Variants in STX1B observed in about 807,000 individuals in gnomAD.
The protein encoded by STX1B is syntaxin 1B.
Under a neutral mutation model 39.4 loss-of-function variants are expected in STX1B, and 7 were observed. That is an observed-to-expected ratio of 0.18 (90% confidence interval 0.10 to 0.33). The LOEUF (loss-of-function observed/expected upper bound fraction) is 0.33. Among genes scored for constraint, STX1B ranks in the 10% least tolerant of loss-of-function variants. STX1B has a pLI of 1.00. For missense variants in STX1B, 198 were observed against 383.2 expected (o/e 0.52, Z 4.04); for synonymous variants, 136 against 144.1 (o/e 0.94, Z 0.40).
Position 31,010,581 on chromosome 16 carries a change from G to T in STX1B, c.-185C>A. 6.0e-6 allele frequency: 1 copy of T among 166,070 alleles called. No homozygotes were observed. The highest frequency in any genetic ancestry group is 1.7e-4 in the South Asian group (1 of 5,834). 10.3% of individuals were successfully genotyped at this position (166,070 alleles called of 1,614,324 possible). A position where few individuals can be genotyped will look rare whatever the true frequency, so the allele number is the denominator to read the frequency against. On this transcript the variant is annotated 5_prime_UTR_variant, in exon 1 of 10. Coordinates refer to ENST00000215095, the MANE Select transcript of STX1B (RefSeq NM_052874.5). ...AGGGCCGGGCAGGGGCAGGGGCCTG[G>T]GCCGGGCTCGGCTCTGCCGGGCTGC... is the stretch of plus-strand genomic sequence containing the variant.
Position 31,006,730 on chromosome 16 carries a change from AGGGCAGAGGGAACAGCATGCT to A in STX1B, c.30+3616_30+3636del, listed in dbSNP as rs1289636082. Among the ~76,000 whole-genome samples, 11 of 152,290 alleles carry A rather than the reference AGGGCAGAGGGAACAGCATGCT, an allele frequency of 7.2e-5. 1 individual carries two copies. In the South Asian group the frequency reaches 1.9e-3, roughly 26 times the overall value. ...CCACAGTGCTGGGGAAACAGAATTCAGGGCAGAGGGAACAGCATGCTGGGCAGAGGGAACAGCATGCGCGAA... is the reference window on the plus strand; with the variant it reads ...CCACAGTGCTGGGGAAACAGAATTCAGGGCAGAGGGAACAGCATGCGCGAA... On this transcript the variant is annotated intron_variant, in intron 1 of 9. Coordinates refer to ENST00000215095, the MANE Select transcript of STX1B (RefSeq NM_052874.5).
Position 30,996,536 on chromosome 16 carries a change from T to C in STX1B, c.537+147A>G, listed in dbSNP as rs748438890. ...TCATCTGATGGGGGTGCCTTCCTGCTCCGCTCCCATGGAATTCCCCAGTTC... is the reference window on the plus strand; with the variant it reads ...TCATCTGATGGGGGTGCCTTCCTGCCCCGCTCCCATGGAATTCCCCAGTTC... On this transcript the variant is annotated intron_variant, in intron 7 of 9. Transcript: ENST00000215095. 3.2e-4 allele frequency: 228 copies of C among 717,692 alleles called. 1 individual carries two copies. Among genetic ancestry groups the C allele is most frequent in the Non-Finnish European group, 4.7e-4 (197 of 420,066 alleles). 44.5% of individuals were successfully genotyped at this position (717,692 alleles called of 1,614,324 possible).
rs2056544188 is a variant in STX1B, at chr16:30,990,170, TCTC to T, written c.*2648_*2650del. The T allele has an allele frequency of 6.6e-6, 1 of 151,922 alleles. No individual in the cohort carries two copies. The highest frequency in any genetic ancestry group is 1.9e-4 in the East Asian group (1 of 5,174). 9.4% of individuals were successfully genotyped at this position (151,922 alleles called of 1,614,324 possible). A position where few individuals can be genotyped will look rare whatever the true frequency, so the allele number is the denominator to read the frequency against. On this transcript the variant is annotated 3_prime_UTR_variant, in exon 10 of 10. Transcript: ENST00000215095. ...GGTGCCCCAGCCACGCTTCAACCCTTCTCCTGTGGCCCCAAGGCCGTGGGACTT... is the reference window on the plus strand; with the variant it reads ...GGTGCCCCAGCCACGCTTCAACCCTTCTGTGGCCCCAAGGCCGTGGGACTT...
intron 9 of STX1B, 80 bp downstream of exon 9, chr16:30,993,050 C>T (rs774912453): frequency 1.4e-5 from 20 of 1,452,488 alleles, no homozygotes; most frequent in Non-Finnish European, 1.7e-5. Flanking sequence ...TAAGGCCTCC[C>T]GCCCGCTGCC....
chr16:31,003,991 A>T (rs2056644579), intron 1 of STX1B, among the ~76,000 whole-genome samples: 1 of 152,160 alleles, frequency 6.6e-6, no homozygotes, highest in African/African-American at 2.4e-5. Context: ...ATGGGCATCC[A>T]GCCCCTCAAA....
intron 5 of STX1B, 29 bp downstream of exon 5, chr16:30,997,473 C>T: frequency 6.3e-7 from 1 of 1,580,178 alleles, no homozygotes; most frequent in Non-Finnish European, 8.6e-7. Flanking sequence ...GGGTCCCGAC[C>T]CGACCCCCAA....
chr16:31,010,275 C>A, intron 1 of STX1B, 92 bp downstream of exon 1: 1 of 1,027,218 alleles, frequency 9.7e-7, no homozygotes, highest in Non-Finnish European at 1.3e-6. Flanking sequence ...TCATCCTTCG[C>A]CCCCACGTCC....
chr16:31,003,345 G>A (rs1036776550), intron 1 of STX1B, among the ~76,000 whole-genome samples: 1 of 152,200 alleles, frequency 6.6e-6, no homozygotes, highest in African/African-American at 2.4e-5. Flanking sequence ...GGTGGCATAA[G>A]TTGGGGACCC....
Position 31,001,271 on chromosome 16 carries a change from G to A in STX1B, c.106-78C>T, listed in dbSNP as rs746973501. 2 of 1,417,900 alleles carry A rather than the reference G, an allele frequency of 1.4e-6. No individual in the cohort carries two copies. The highest frequency in any genetic ancestry group is 2.0e-6 in the Non-Finnish European group (2 of 1,016,652). The allele number at this position is 1,417,900 out of a possible 1,614,324, so 87.8% of individuals were successfully genotyped here. ...TTCCAGGGGAACCAGCCAGGGTTCA[G>A]GGGAATGGACCAGCCCCAGAACGGC... On this transcript the variant is annotated intron_variant, in intron 2 of 9. Coordinates refer to ENST00000215095, the MANE Select transcript of STX1B (RefSeq NM_052874.5). The surrounding 1 kb of genome is among the most constrained non-coding windows in gnomAD (Gnocchi z 5.5).
rs995995925 is a variant in STX1B, at chr16:30,992,642, G to C, written c.*179C>G. 1.5e-4 allele frequency: 2 copies of C among 13,698 alleles called. No individual in the cohort carries two copies. The highest frequency in any genetic ancestry group is 0.062 in the East Asian group (1 of 16). 0.8% of individuals were successfully genotyped at this position (13,698 alleles called of 1,614,324 possible). The stretch of plus-strand genomic sequence containing the variant: ...CCTGCTGCGATCTACGTGCGGGGAC[G>C]GGGGGGGGGTCCATGGCCCGGTGAG... On this transcript the variant is annotated 3_prime_UTR_variant, in exon 10 of 10. Coordinates refer to ENST00000215095, the MANE Select transcript of STX1B (RefSeq NM_052874.5).
chr16:31,009,170 G>T (rs980573449), intron 1 of STX1B, among the ~76,000 whole-genome samples: 1 of 152,034 alleles, frequency 6.6e-6, no homozygotes, highest in Non-Finnish European at 1.5e-5. Context: ...AAATCCAGGG[G>T]ACAGCTCTTC....
intron 1 of STX1B, among the ~76,000 whole-genome samples, chr16:31,003,454 G>A (rs560812308): frequency 1.9e-4 from 29 of 152,158 alleles, no homozygotes; most frequent in African/African-American, 6.5e-4. Flanking sequence ...GTGCTACAAG[G>A]CCTCCTTCCC....
intron 1 of STX1B, among the ~76,000 whole-genome samples, chr16:31,005,838 G>A (rs2056652415): frequency 1.3e-5 from 2 of 152,020 alleles, no homozygotes; most frequent in African/African-American, 4.8e-5. Flanking sequence ...GAAGCACCTG[G>A]GGACTGCGCA....
At chr16:30,996,907 C>G in intron 6 of STX1B, 44 bp downstream of exon 6, 1 of 1,576,964 alleles carries the variant, frequency 6.3e-7, no homozygotes, top group Non-Finnish European at 8.7e-7. Flanking sequence ...GGGGCTTGGG[C>G]AGCCTCAAGG....
intron 4 of STX1B, among the ~76,000 whole-genome samples, chr16:30,997,850 A>G (rs1256830845): frequency 1.3e-5 from 2 of 152,226 alleles, no homozygotes; most frequent in Non-Finnish European, 2.9e-5. Flanking sequence ...TTCTAGTGGC[A>G]GAACTGGGTC....
chr16:30,992,645 G>T lies in STX1B; in HGVS notation c.*176C>A, dbSNP rs1475789166. 62 of 517,670 alleles carry T rather than the reference G, an allele frequency of 1.2e-4. 1 individual carries two copies. Among genetic ancestry groups the T allele is most frequent in the Non-Finnish European group, 1.9e-4 (54 of 288,880 alleles). The allele number at this position is 517,670 out of a possible 1,614,324, so 32.1% of individuals were successfully genotyped here. On this transcript the variant is annotated 3_prime_UTR_variant, in exon 10 of 10. Transcript: ENST00000215095. Reference sequence around the variant, plus strand: ...GCTGCGATCTACGTGCGGGGACGGGGGGGGGGTCCATGGCCCGGTGAGGTC... The same window carrying T: ...GCTGCGATCTACGTGCGGGGACGGGTGGGGGGTCCATGGCCCGGTGAGGTC...
chr16:30,998,724 G>A (rs1307033132), intron 4 of STX1B, among the ~76,000 whole-genome samples: 4 of 152,214 alleles, frequency 2.6e-5, no homozygotes, highest in Non-Finnish European at 5.9e-5. Context: ...TGAAAGGTCA[G>A]CTTCTCTAAA....
At position 30,991,902 on chromosome 16, in the gene STX1B, A is replaced by T. The variant is rs1414472317; in HGVS notation, c.*919T>A. On this transcript the variant is annotated 3_prime_UTR_variant, in exon 10 of 10. Transcript: ENST00000215095. ...AAAAAACAAAAAACAAAAAAAAATT[A>T]AAAAGCACACCATGTAGAGAGCCCC... The T allele has an allele frequency of 6.6e-6, 1 of 152,204 alleles. No individual in the cohort carries two copies. The highest frequency in any genetic ancestry group is 2.4e-5 in the African/African-American group (1 of 41,420). The allele number at this position is 152,204 out of a possible 1,614,324, so 9.4% of individuals were successfully genotyped here.
intron 9 of STX1B, 46 bp downstream of exon 9, chr16:30,993,084 A>G: frequency 6.3e-7 from 1 of 1,577,140 alleles, no homozygotes; most frequent in Non-Finnish European, 8.7e-7. Context: ...GCCCGGGCTC[A>G]GCCTTGGGCT....
Sources: allele counts gnomAD v4.1 joint callset (sites outside exome capture counted in the v4.1 genomes callset), GRCh38; gene constraint gnomAD v4.1.1; non-coding constraint Gnocchi (gnomAD v3.1); transcripts MANE v1.5; gene names NCBI Gene and HGNC (gene_info 2026-07-23, HGNC 2026-07-21).